Variants in SMAD2 observed in about 807,000 individuals in gnomAD.
SMAD2 encodes SMAD family member 2.
SMAD2 carries 8 observed loss-of-function variants against 64.4 expected under a neutral mutation model. The observed-to-expected ratio is 0.12, with a 90% CI of 0.07 to 0.22. The LOEUF is 0.22. Among genes scored for constraint, SMAD2 ranks in the 10% least tolerant of loss-of-function variants. The pLI, the probability that SMAD2 is intolerant of heterozygous loss-of-function variation, is 1.00. For synonymous variants in SMAD2, 203 were observed against 195.8 expected (o/e 1.04, Z -0.31); for missense variants, 289 against 561.2 (o/e 0.51, Z 4.90).
intron 2 of SMAD2, among the ~76,000 whole-genome samples, chr18:47,894,941 A>C (rs905311299): frequency 1.3e-5 from 2 of 152,184 alleles, no homozygotes; most frequent in Non-Finnish European, 2.9e-5. Flanking sequence ...ACCCATGCCA[A>C]ATCTGTTTAC....
chr18:47,909,091 T>C (rs957264372), intron 1 of SMAD2, among the ~76,000 whole-genome samples: 6 of 151,858 alleles, frequency 4.0e-5, no homozygotes, highest in East Asian at 1.9e-4. Flanking sequence ...AAAAGAAAAT[T>C]TGTGAAGCTG....
At chr18:47,871,457 C>G (rs1012077465) in intron 2 of SMAD2, among the ~76,000 whole-genome samples, 1 of 152,188 alleles carries the variant, frequency 6.6e-6, no homozygotes, top group Non-Finnish European at 1.5e-5. Context: ...ATCAACAGTT[C>G]AAAGGGCAAT....
rs1010346594 is a variant in SMAD2 at position 47,841,203 on chromosome 18, C to T, written c.*624G>A. The T allele has an allele frequency of 3.4e-5, 8 of 231,982 alleles. No homozygotes were observed. The highest frequency in any genetic ancestry group is 3.4e-4 in the Admixed American group (6 of 17,720). 14.4% of individuals were successfully genotyped at this position (231,982 alleles called of 1,614,324 possible). On this transcript the variant is annotated 3_prime_UTR_variant, in exon 11 of 11. Coordinates refer to ENST00000262160, the MANE Select transcript of SMAD2 (RefSeq NM_005901.6). ...AAAAAGAATGACTGTTTAAGCCCCA[C>T]TGAACACATTAAGGTCAAGGATTTC...
intron 2 of SMAD2, among the ~76,000 whole-genome samples, chr18:47,883,835 GT>G (rs2032747292): frequency 1.3e-5 from 2 of 151,980 alleles, no homozygotes. Context: ...TATTTATCCT[GT>G]TTGTGTTGAA....
At position 47,839,587 on chromosome 18, in the gene SMAD2, T is replaced by C; in HGVS notation, c.*2240A>G. 4.3e-6 allele frequency: 1 copy of C among 233,310 alleles called. No homozygotes were observed. Among genetic ancestry groups the C allele is most frequent in the Non-Finnish European group, 8.5e-6 (1 of 117,990 alleles). 14.5% of individuals were successfully genotyped at this position (233,310 alleles called of 1,614,324 possible). On this transcript the variant is annotated 3_prime_UTR_variant, in exon 11 of 11. Coordinates refer to ENST00000262160, the MANE Select transcript of SMAD2 (RefSeq NM_005901.6). ...ACTGATGTGGTGCAAATGAAATTTT[T>C]ACAGCAAAGGTTGAGGAAGGAGATA...
rs1174891699 is a variant in SMAD2, at chr18:47,820,082, ATAAAT to A, written c.*21740_*21744del. Reference sequence around the variant, plus strand: ...AACTTTTCATGTAATTTGAAATCTTATAAATTAATCTTCAGTAAATGTCTGGATCA... The same window carrying A: ...AACTTTTCATGTAATTTGAAATCTTATAATCTTCAGTAAATGTCTGGATCA... On this transcript the variant is annotated 3_prime_UTR_variant, in exon 11 of 11. Coordinates refer to ENST00000262160, the MANE Select transcript of SMAD2 (RefSeq NM_005901.6). 4 of 152,234 alleles carry A rather than the reference ATAAAT, an allele frequency of 2.6e-5. No homozygotes were observed. Among genetic ancestry groups the A allele is most frequent in the African/African-American group, 7.2e-5 (3 of 41,470 alleles). The allele number at this position is 152,234 out of a possible 1,614,324, so 9.4% of individuals were successfully genotyped here.
rs1353128581 is a variant in SMAD2 at position 47,818,390 on chromosome 18, T to C, written c.*23437A>G. On this transcript the variant is annotated 3_prime_UTR_variant, in exon 11 of 11. Coordinates refer to ENST00000262160, the MANE Select transcript of SMAD2 (RefSeq NM_005901.6). The stretch of plus-strand genomic sequence containing the variant: ...GGTGATGGAACAGTTAATTAAAGGA[T>C]TAATAGCCTAAAAGAACTAGATAAA... 4 of 152,214 alleles carry C rather than the reference T, an allele frequency of 2.6e-5. No individual in the cohort carries two copies. The highest frequency in any genetic ancestry group is 7.2e-5 in the African/African-American group (3 of 41,456). The allele number at this position is 152,214 out of a possible 1,614,324, so 9.4% of individuals were successfully genotyped here.
chr18:47,857,754 A>G (rs1344798681), intron 6 of SMAD2, among the ~76,000 whole-genome samples: 1 of 152,230 alleles, frequency 6.6e-6, no homozygotes, highest in African/African-American at 2.4e-5. Flanking sequence ...TTCAATGGCC[A>G]TGCACAGACG....
At chr18:47,913,845 T>C (rs373662663) in intron 1 of SMAD2, among the ~76,000 whole-genome samples, 74 of 152,364 alleles carry the variant, frequency 4.9e-4, no homozygotes, top group South Asian at 1.0e-3. Context: ...TCTGCAAGAA[T>C]TGAAATCTAA....
At chr18:47,897,781 TG>T (rs1157468448) in intron 1 of SMAD2, among the ~76,000 whole-genome samples, 1 of 152,202 alleles carries the variant, frequency 6.6e-6, no homozygotes, top group African/African-American at 2.4e-5. Context: ...ATCCTTTAAT[TG>T]GGGTTTAAAA....
rs377657332 is a variant in SMAD2, at chr18:47,810,671, A to G, written c.*31156T>C. 2 of 152,240 alleles carry G rather than the reference A, an allele frequency of 1.3e-5. No individual in the cohort carries two copies. Among genetic ancestry groups the G allele is most frequent in the African/African-American group, 4.8e-5 (2 of 41,472 alleles). 9.4% of individuals were successfully genotyped at this position (152,240 alleles called of 1,614,324 possible). ...AAATAAAGCCCAGGCATGGTGGCTC[A>G]TGCCTGTAATCCCAACACGTTGGGA... On this transcript the variant is annotated 3_prime_UTR_variant, in exon 11 of 11. Transcript: ENST00000262160.
chr18:47,897,942 G>T (rs1469873402), intron 1 of SMAD2, among the ~76,000 whole-genome samples: 2 of 152,170 alleles, frequency 1.3e-5, no homozygotes, highest in Non-Finnish European at 2.9e-5. Flanking sequence ...TTTTTAGAAA[G>T]TAAAGAGGTC....
chr18:47,911,397 T>C (rs2034130773), intron 1 of SMAD2, among the ~76,000 whole-genome samples: 1 of 149,832 alleles, frequency 6.7e-6, no homozygotes, highest in African/African-American at 2.5e-5. Flanking sequence ...AATATAATCA[T>C]ACTCACGCCC....
At chr18:47,844,028 C>T (rs1220517854) in intron 10 of SMAD2, among the ~76,000 whole-genome samples, 1 of 152,048 alleles carries the variant, frequency 6.6e-6, no homozygotes, top group African/African-American at 2.4e-5. Context: ...TTGCTATCAA[C>T]TCAGGTCAAG....
intron 1 of SMAD2, among the ~76,000 whole-genome samples, chr18:47,909,027 C>T (rs1014080358): frequency 5.3e-5 from 8 of 151,498 alleles, no homozygotes; most frequent in Non-Finnish European, 1.2e-4. Context: ...TGCAGTTGCC[C>T]ACCATTTCAA....
rs1480994268 is a variant in SMAD2 at position 47,832,566 on chromosome 18, C to G, written c.*9261G>C. Reference sequence around the variant, plus strand: ...AACAGTCTGCTAACCAGTACTGATTCATCCACAGAACTGAATTCTTGCAAG... The same window carrying G: ...AACAGTCTGCTAACCAGTACTGATTGATCCACAGAACTGAATTCTTGCAAG... On this transcript the variant is annotated 3_prime_UTR_variant, in exon 11 of 11. Transcript: ENST00000262160. The G allele has an allele frequency of 6.6e-6, 1 of 152,132 alleles. No individual in the cohort carries two copies. The highest frequency in any genetic ancestry group is 1.5e-5 in the Non-Finnish European group (1 of 68,010). The allele number at this position is 152,132 out of a possible 1,614,324, so 9.4% of individuals were successfully genotyped here.
chr18:47,907,857 C>T (rs1365957115), intron 1 of SMAD2, among the ~76,000 whole-genome samples: 1 of 152,156 alleles, frequency 6.6e-6, no homozygotes, highest in Non-Finnish European at 1.5e-5. Context: ...ATCACTAGAG[C>T]CCAGGAGGCA....
intron 2 of SMAD2, among the ~76,000 whole-genome samples, chr18:47,882,983 T>C (rs964505634): frequency 6.6e-6 from 1 of 152,344 alleles, no homozygotes; most frequent in Middle Eastern, 3.4e-3. Context: ...AGGTCATTTG[T>C]GATTGTGGGC....
rs2144290482 is a variant in SMAD2 at position 47,845,727 on chromosome 18, C to A, written c.1071G>T (p.Val357=). Reference sequence around the variant, plus strand: ...ATCTCTGATTACAATTGGGGCTCTGCACAAAGATTGCACTATCACTTAGGC... The same window carrying A: ...ATCTCTGATTACAATTGGGGCTCTGAACAAAGATTGCACTATCACTTAGGC... ...AECLSDSAIF[V]QSPNCNQRYG... is the part of the protein sequence containing the mutation. The change falls in exon 9 of 11, where the codon GTG becomes GTT. Residue 357 remains valine, a synonymous_variant. Transcript: ENST00000262160. 1 of 1,613,834 alleles carries A rather than the reference C, an allele frequency of 6.2e-7. No individual in the cohort carries two copies. The highest frequency in any genetic ancestry group is 8.5e-7 in the Non-Finnish European group (1 of 1,179,828).
Sources: allele counts gnomAD v4.1 joint callset (sites outside exome capture counted in the v4.1 genomes callset), GRCh38; gene constraint gnomAD v4.1.1; transcripts MANE v1.5; gene names NCBI Gene and HGNC (gene_info 2026-07-23, HGNC 2026-07-21).